Variants in OSBPL6 observed in about 807,000 individuals in gnomAD.
The protein encoded by OSBPL6 is oxysterol binding protein like 6.
In OSBPL6, 49 loss-of-function variants were observed where a neutral mutation model predicts 125.8. The observed-to-expected ratio is 0.39, with a 90% CI of 0.31 to 0.49. OSBPL6 has a LOEUF of 0.49. Ranked by LOEUF, OSBPL6 falls within the 20% of genes least tolerant of loss-of-function variation. The pLI, the probability that OSBPL6 is intolerant of heterozygous loss-of-function variation, is 0.88. For missense variants in OSBPL6, 986 were observed against 1,135.4 expected (o/e 0.87, Z 1.89); for synonymous variants, 394 against 391.8 (o/e 1.01, Z -0.07).
At chr2:178,340,895 G>GT (rs1199105153) in intron 11 of OSBPL6, among the ~76,000 whole-genome samples, 22 of 151,192 alleles carry the variant, frequency 1.5e-4, no homozygotes, top group South Asian at 2.1e-4. Flanking sequence ...AATACCCATG[G>GT]TTTTTTTTTA....
chr2:178,327,120 A>G (rs1688764736), intron 4 of OSBPL6, among the ~76,000 whole-genome samples: 3 of 150,228 alleles, frequency 2.0e-5, no homozygotes, highest in African/African-American at 7.6e-5. Context: ...GAACTTATTC[A>G]TGTAACCAAA....
intron 1 of OSBPL6, among the ~76,000 whole-genome samples, chr2:178,200,552 C>T (rs1330767379): frequency 1.3e-5 from 2 of 152,156 alleles, no homozygotes; most frequent in East Asian, 3.9e-4. Flanking sequence ...GTGCCTGGCT[C>T]TTCAGACACT....
At chr2:178,368,124 A>T (rs981949510) in intron 13 of OSBPL6, among the ~76,000 whole-genome samples, 1 of 152,244 alleles carries the variant, frequency 6.6e-6, no homozygotes, top group Non-Finnish European at 1.5e-5. Context: ...ATATTATTAT[A>T]GAAACATGGT....
At chr2:178,265,340 T>C (rs2092199871) in intron 1 of OSBPL6, among the ~76,000 whole-genome samples, 1 of 151,188 alleles carries the variant, frequency 6.6e-6, no homozygotes, top group Non-Finnish European at 1.5e-5. Context: ...AGTTCCTAAG[T>C]AGCTGGAAAC....
intron 1 of OSBPL6, among the ~76,000 whole-genome samples, chr2:178,282,436 T>A (rs1485827482): frequency 6.6e-6 from 1 of 152,212 alleles, no homozygotes; most frequent in Non-Finnish European, 1.5e-5. Flanking sequence ...CTGGTTTACC[T>A]TCCCACTTGT....
intron 1 of OSBPL6, among the ~76,000 whole-genome samples, chr2:178,264,189 A>T (rs1004554891): frequency 2.0e-5 from 3 of 152,238 alleles, no homozygotes; most frequent in Non-Finnish European, 4.4e-5. Flanking sequence ...AACATGAAAA[A>T]AAAAGTAAAT....
At chr2:178,219,850 A>G (rs185125855) in intron 1 of OSBPL6, among the ~76,000 whole-genome samples, 29 of 152,314 alleles carry the variant, frequency 1.9e-4, no homozygotes, top group Non-Finnish European at 3.8e-4. Flanking sequence ...AGCAGGCTGG[A>G]TAGGTTAAAA....
intron 21 of OSBPL6, among the ~76,000 whole-genome samples, chr2:178,389,396 A>T (rs1559328847): frequency 6.6e-6 from 1 of 152,204 alleles, no homozygotes; most frequent in Non-Finnish European, 1.5e-5. Flanking sequence ...TTTTTAAAGA[A>T]TTTTCTTTTG....
intron 12 of OSBPL6, 67 bp downstream of exon 12, chr2:178,349,456 T>C (rs1021126688): frequency 1.3e-6 from 2 of 1,529,750 alleles, no homozygotes; most frequent in African/African-American, 2.8e-5. Context: ...TCCTTTGTTC[T>C]TTTATCTTTG....
chr2:178,265,497 G>A (rs2092205530), intron 1 of OSBPL6, among the ~76,000 whole-genome samples: 1 of 152,060 alleles, frequency 6.6e-6, no homozygotes, highest in African/African-American at 2.4e-5. Flanking sequence ...TACAGGTGCA[G>A]GCCAACGTGC....
chr2:178,286,450 T>C (rs1192064252), intron 2 of OSBPL6, among the ~76,000 whole-genome samples: 1 of 152,258 alleles, frequency 6.6e-6, no homozygotes, highest in African/African-American at 2.4e-5. Context: ...ATTTATCCTC[T>C]GCTATTATTT....
chr2:178,227,477 T>C (rs1206023723), intron 1 of OSBPL6, among the ~76,000 whole-genome samples: 2 of 152,192 alleles, frequency 1.3e-5, no homozygotes, highest in Non-Finnish European at 2.9e-5. Flanking sequence ...TCCTGGCACA[T>C]GTGCATCAAG....
In OSBPL6 at chr2:178,401,302, T is replaced by C. The variant is rs576470085; in HGVS notation, c.*5743T>C. ...CAACCCCACTTTTGTGTCACAAACATTTGAAACACCCAGTGCTCAAGAATG... is the reference window on the plus strand; with the variant it reads ...CAACCCCACTTTTGTGTCACAAACACTTGAAACACCCAGTGCTCAAGAATG... On this transcript the variant is annotated 3_prime_UTR_variant, in exon 25 of 25. Coordinates refer to ENST00000190611, the MANE Select transcript of OSBPL6 (RefSeq NM_032523.4). 2 of 152,328 alleles carry C rather than the reference T, an allele frequency of 1.3e-5. No individual in the cohort carries two copies. Among genetic ancestry groups the C allele is most frequent in the East Asian group, 1.9e-4 (1 of 5,184 alleles). The allele number at this position is 152,328 out of a possible 1,614,324, so 9.4% of individuals were successfully genotyped here. A position where few individuals can be genotyped will look rare whatever the true frequency, so the allele number is the denominator to read the frequency against.
intron 2 of OSBPL6, among the ~76,000 whole-genome samples, chr2:178,287,279 ATTTC>A (rs1253378721): frequency 1.3e-5 from 2 of 152,082 alleles, no homozygotes; most frequent in African/African-American, 4.8e-5. Context: ...CAGGGTATCC[ATTTC>A]TCCCCCCTAG....
intron 1 of OSBPL6, among the ~76,000 whole-genome samples, chr2:178,239,477 T>A (rs762302941): frequency 2.6e-5 from 4 of 152,060 alleles, no homozygotes; most frequent in Non-Finnish European, 2.9e-5. Context: ...GAAGTTGTAG[T>A]GAGCCAAGAT....
At chr2:178,365,740 A>G (rs530243494) in intron 13 of OSBPL6, among the ~76,000 whole-genome samples, 6 of 152,174 alleles carry the variant, frequency 3.9e-5, no homozygotes, top group Non-Finnish European at 8.8e-5. Context: ...AACATATATA[A>G]TTCTATTATT....
At chr2:178,330,791 G>A (rs372794658) in intron 5 of OSBPL6, among the ~76,000 whole-genome samples, 36 of 152,244 alleles carry the variant, frequency 2.4e-4, no homozygotes, top group African/African-American at 8.7e-4. Flanking sequence ...ACCGGGCCCT[G>A]GGAGCTGTTT....
intron 1 of OSBPL6, among the ~76,000 whole-genome samples, chr2:178,269,487 A>C (rs2092324687): frequency 1.3e-5 from 2 of 152,366 alleles, no homozygotes; most frequent in Middle Eastern, 3.4e-3. Context: ...TAAAGTGGTC[A>C]TACCAATTCA....
At position 178,372,211 on chromosome 2, in the gene OSBPL6, A is replaced by G. The variant is rs1693457628; in HGVS notation, c.1373A>G (p.Asn458Ser). Residue 458 changes from asparagine (N) to serine (S), a missense_variant, in exon 14 of 25, where the codon AAT becomes AGT. This residue lies in a region of OSBPL6 where 843 missense variants were observed against 997.3 expected (regional missense o/e 0.85). Coordinates refer to ENST00000190611, the MANE Select transcript of OSBPL6 (RefSeq NM_032523.4). The stretch of plus-strand genomic sequence containing the variant: ...ATTTGTGATCAGGTTGTCAGTGTAA[A>G]TATTATTCCTAGCCCTGATGAGGTA... ...SIICDQVVSV[N>S]IIPSPDEAGE... is the part of the protein sequence containing the mutation. The G allele has an allele frequency of 1.2e-5, 20 of 1,612,710 alleles. No individual in the cohort carries two copies. Among genetic ancestry groups the G allele is most frequent in the East Asian group, 2.2e-5 (1 of 44,780 alleles).
Sources: allele counts gnomAD v4.1 joint callset (sites outside exome capture counted in the v4.1 genomes callset), GRCh38; gene constraint gnomAD v4.1.1; regional missense constraint gnomAD v4.1.1; transcripts MANE v1.5; gene names NCBI Gene and HGNC (gene_info 2026-07-23, HGNC 2026-07-21).